The following LRP2 variants were observed in gnomAD, a reference collection of about 807,000 sequenced individuals.
The protein encoded by LRP2 is low-density lipoprotein receptor-related protein 2.
Under a neutral mutation model 531.0 loss-of-function variants are expected in LRP2, and 172 were observed. That is an observed-to-expected ratio of 0.32 (90% CI 0.29 to 0.37). The LOEUF is 0.37. Among genes scored for constraint, LRP2 ranks in the 10% least tolerant of loss-of-function variants. The pLI is 1.00. For missense variants in LRP2, 5,167 were observed against 5,868.3 expected, an observed-to-expected ratio of 0.88 and a Z score of 3.90; for synonymous variants, 1,992 against 2,027.6, an observed-to-expected ratio of 0.98 and a Z score of 0.47.
chr2:169,337,722 C>T (rs921119970), intron 1 of LRP2, among the ~76,000 whole-genome samples: 1 of 152,194 alleles, frequency 6.6e-6, no homozygotes, highest in South Asian at 2.1e-4. Flanking sequence ...TTCATCCATT[C>T]CACCCAAAGT....
Position 169,140,630 on chromosome 2 carries a change from T to TG in LRP2, c.13109-86dup, listed in dbSNP as rs553248187. The TG allele has an allele frequency of 1.3e-3, 1,353 of 1,011,782 alleles. 3 individuals are homozygous for TG. Among genetic ancestry groups the TG allele is most frequent in the Non-Finnish European group, 1.8e-3 (1,166 of 645,038 alleles). 62.7% of individuals were successfully genotyped at this position (1,011,782 alleles called of 1,614,324 possible). A position where few individuals can be genotyped will look rare whatever the true frequency, so the allele number is the denominator to read the frequency against. On this transcript the variant is annotated intron_variant, in intron 71 of 78. Coordinates refer to ENST00000649046, the MANE Select transcript of LRP2 (RefSeq NM_004525.3). ...CATGCAAACCGGCCCAGGTTAGGGG[T>TG]GGGAGGAGGGGCAGGCCAGCCAATT...
intron 9 of LRP2, among the ~76,000 whole-genome samples, chr2:169,286,100 A>C (rs1466840578): frequency 6.6e-6 from 1 of 152,238 alleles, no homozygotes; most frequent in African/African-American, 2.4e-5. Flanking sequence ...GTATTTAAAG[A>C]GTTCTCTATA....
At chr2:169,332,859 G>A (rs1487508361) in intron 1 of LRP2, among the ~76,000 whole-genome samples, 1 of 152,158 alleles carries the variant, frequency 6.6e-6, no homozygotes. Context: ...TGATGGTGAG[G>A]CTCATTGCAT....
At chr2:169,194,457 C>A (rs770676863) in intron 46 of LRP2, among the ~76,000 whole-genome samples, 3 of 152,110 alleles carry the variant, frequency 2.0e-5, no homozygotes, top group Non-Finnish European at 4.4e-5. Context: ...CACCACTGTT[C>A]AATAAATACT....
intron 1 of LRP2, among the ~76,000 whole-genome samples, chr2:169,330,955 G>C (rs1448196556): frequency 6.6e-6 from 1 of 151,978 alleles, no homozygotes; most frequent in African/African-American, 2.4e-5. Context: ...CCTAGGATTG[G>C]GCAATCTCAC....
chr2:169,190,461 C>T (rs1202765669), intron 48 of LRP2, among the ~76,000 whole-genome samples: 1 of 152,148 alleles, frequency 6.6e-6, no homozygotes, highest in Admixed American at 6.6e-5. Context: ...CCTCCTTCTT[C>T]CTCAGGACCA....
At chr2:169,273,808 G>A (rs1223729615) in intron 14 of LRP2, among the ~76,000 whole-genome samples, 2 of 152,124 alleles carry the variant, frequency 1.3e-5, no homozygotes, top group African/African-American at 4.8e-5. Context: ...ATAGGCAGAT[G>A]TCATTCTGAG....
At chr2:169,302,587 G>A (rs1284212650) in intron 4 of LRP2, among the ~76,000 whole-genome samples, 1 of 152,118 alleles carries the variant, frequency 6.6e-6, no homozygotes, top group Non-Finnish European at 1.5e-5. Flanking sequence ...GAACTGTCCG[G>A]TCCCAAATGT....
chr2:169,205,896 C>T (rs1688367328), intron 40 of LRP2, 127 bp downstream of exon 40: 2 of 1,296,260 alleles, frequency 1.5e-6, no homozygotes, highest in South Asian at 2.4e-5. Context: ...AATATGCTTT[C>T]ATTTTTGAAT....
chr2:169,240,918 A>G, intron 25 of LRP2, 70 bp downstream of exon 25: 1 of 1,568,856 alleles, frequency 6.4e-7, no homozygotes, highest in Non-Finnish European at 8.7e-7. Context: ...TGACTGTGAC[A>G]ATGGTGATGC....
At chr2:169,213,125 G>T (rs1688656515) in intron 36 of LRP2, among the ~76,000 whole-genome samples, 1 of 152,000 alleles carries the variant, frequency 6.6e-6, no homozygotes, top group Non-Finnish European at 1.5e-5. Flanking sequence ...ATTTAAAGGG[G>T]TAAATCAGAA....
chr2:169,351,350 G>GA (rs1685842145), intron 1 of LRP2, among the ~76,000 whole-genome samples: 1 of 152,124 alleles, frequency 6.6e-6, no homozygotes, highest in African/African-American at 2.4e-5. Context: ...AAGTGGAACC[G>GA]AAAAAATAGA....
chr2:169,135,518 C>G (rs889971845), intron 76 of LRP2, among the ~76,000 whole-genome samples: 1 of 152,058 alleles, frequency 6.6e-6, no homozygotes, highest in African/African-American at 2.4e-5. Context: ...TGTCAAGTCA[C>G]CCAAGCAGTT....
chr2:169,200,713 C>T (rs144159817), intron 44 of LRP2, among the ~76,000 whole-genome samples: 27 of 152,266 alleles, frequency 1.8e-4, no homozygotes, highest in African/African-American at 6.3e-4. Context: ...ATTCTAATTA[C>T]CAACAAAAGC....
chr2:169,308,423 C>T (rs1574242321), intron 3 of LRP2, among the ~76,000 whole-genome samples: 2 of 152,104 alleles, frequency 1.3e-5, no homozygotes, highest in South Asian at 2.1e-4. Context: ...CATCCTGTGT[C>T]CAGGTGCTCT....
Position 169,174,145 on chromosome 2 carries a change from G to T in LRP2, c.10788C>A (p.Ser3596=), listed in dbSNP as rs1321741521. ...GTTTGTTGGCGCACTGCCATTCATTGGAGTCACAGTGGTGATTCTCTGAGA... is the reference window on the plus strand; with the variant it reads ...GTTTGTTGGCGCACTGCCATTCATTTGAGTCACAGTGGTGATTCTCTGAGA... ...RLLCENHHCD[S]NEWQCANKRC... Residue 3596 remains serine (S), a synonymous_variant, in exon 56 of 79, where the codon TCC becomes TCA. Transcript: ENST00000649046. The T allele has an allele frequency of 6.2e-7, 1 of 1,614,074 alleles. No homozygotes were observed. The highest frequency in any genetic ancestry group is 1.3e-5 in the African/African-American group (1 of 74,928).
At chr2:169,211,420 T>C (rs992551633) in intron 37 of LRP2, among the ~76,000 whole-genome samples, 1 of 152,190 alleles carries the variant, frequency 6.6e-6, no homozygotes, top group African/African-American at 2.4e-5. Flanking sequence ...TGCAAAAATA[T>C]GATTACTAAA....
At chr2:169,316,756 T>C (rs1273333516) in intron 3 of LRP2, among the ~76,000 whole-genome samples, 1 of 152,116 alleles carries the variant, frequency 6.6e-6, no homozygotes, top group Non-Finnish European at 1.5e-5. Context: ...GGTGAGACTA[T>C]CCTGAGAGTG....
At chr2:169,194,148 T>C (rs1181366663) in intron 46 of LRP2, among the ~76,000 whole-genome samples, 1 of 152,186 alleles carries the variant, frequency 6.6e-6, no homozygotes, top group Non-Finnish European at 1.5e-5. Context: ...ATGTGTATGG[T>C]AGAGAAAGAA....
Sources: allele counts gnomAD v4.1 joint callset (sites outside exome capture counted in the v4.1 genomes callset), GRCh38; gene constraint gnomAD v4.1.1; transcripts MANE v1.5; gene names NCBI Gene and HGNC (gene_info 2026-07-23, HGNC 2026-07-21).